The following TMEM181 variants were observed in gnomAD, a reference collection of about 807,000 sequenced individuals.
TMEM181 encodes transmembrane protein 181, also known as G protein-coupled receptor 178.
Under a neutral mutation model 71.9 loss-of-function variants are expected in TMEM181, and 39 were observed. The ratio of observed to expected loss-of-function variants is 0.54; its 90% CI spans 0.42 to 0.71. The LOEUF (loss-of-function observed/expected upper bound fraction) is 0.71, where lower values mean the gene tolerates loss of function less well. TMEM181 is among the 30% of genes least tolerant of loss of function. The pLI is 0.00. For missense variants in TMEM181, 595 were observed against 583.0 expected (o/e 1.02, Z -0.21); for synonymous variants, 245 against 228.8 (o/e 1.07, Z -0.64).
Position 158,633,742 on chromosome 6 carries a change from T to G in TMEM181, c.*1854T>G, listed in dbSNP as rs776887850. The stretch of plus-strand genomic sequence containing the variant: ...TTTAAAAACCTTGTAAATATGAATG[T>G]TTAAGACAACTTACTGCAAGGGTAA... On this transcript the variant is annotated 3_prime_UTR_variant, in exon 17 of 17. Transcript: ENST00000684151. 18 of 152,224 alleles carry G rather than the reference T, an allele frequency of 1.2e-4. No homozygotes were observed. The highest frequency in any genetic ancestry group is 2.2e-4 in the Non-Finnish European group (15 of 68,036). The allele number at this position is 152,224 out of a possible 1,614,324, so 9.4% of individuals were successfully genotyped here.
At chr6:158,583,847 C>T in intron 3 of TMEM181, 107 bp from the exon 4 acceptor site, 3 of 716,006 alleles carry the variant, frequency 4.2e-6, no homozygotes, top group Non-Finnish European at 2.2e-6. Flanking sequence ...TCAAAGCTAA[C>T]ACTGAAGCCT....
intron 1 of TMEM181, among the ~76,000 whole-genome samples, chr6:158,569,260 C>T (rs979183391): frequency 6.6e-6 from 1 of 152,262 alleles, no homozygotes; most frequent in Non-Finnish European, 1.5e-5. Context: ...CTGCAGGCTG[C>T]AGAGGGTCCC....
chr6:158,622,419 C>T (rs1056867677), intron 10 of TMEM181, among the ~76,000 whole-genome samples: 6 of 152,066 alleles, frequency 3.9e-5, no homozygotes, highest in Non-Finnish European at 7.4e-5. Flanking sequence ...GGGAGGGTCA[C>T]GCAGCCATGA....
chr6:158,595,074 T>C (rs887348947), intron 6 of TMEM181, among the ~76,000 whole-genome samples: 1 of 152,224 alleles, frequency 6.6e-6, no homozygotes, highest in Non-Finnish European at 1.5e-5. Flanking sequence ...GTGAAAGCCA[T>C]GGGATGCATT....
chr6:158,600,375 C>G (rs1784602845), intron 6 of TMEM181, among the ~76,000 whole-genome samples: 1 of 151,840 alleles, frequency 6.6e-6, no homozygotes, highest in South Asian at 2.1e-4. Context: ...GTCTCGAACT[C>G]CTGACCTCAG....
chr6:158,610,232 G>A, intron 10 of TMEM181: 1 of 249,922 alleles, frequency 4.0e-6, no homozygotes, highest in Admixed American at 4.0e-5. Context: ...GTCGTGGGGT[G>A]CCTTAAGGCT....
At chr6:158,559,310 C>T (rs1325023122), upstream of TMEM181, among the ~76,000 whole-genome samples, 1 of 152,164 alleles carries the variant, frequency 6.6e-6, no homozygotes, top group Non-Finnish European at 1.5e-5. Flanking sequence ...GTTCCTTATT[C>T]ATGTCCACAC....
chr6:158,598,750 T>C (rs1784516600), intron 6 of TMEM181, among the ~76,000 whole-genome samples: 1 of 152,048 alleles, frequency 6.6e-6, no homozygotes, highest in Non-Finnish European at 1.5e-5. Flanking sequence ...CTCGGCTCAC[T>C]GCAAGCTCTG....
chr6:158,580,919 T>A, intron 2 of TMEM181, 21 bp from the exon 3 acceptor site: 1 of 1,582,516 alleles, frequency 6.3e-7, no homozygotes, highest in Non-Finnish European at 8.7e-7. Context: ...TCTGCTTTTG[T>A]CCTTTTCTGT....
At chr6:158,566,915 C>T (rs1410134092) in intron 1 of TMEM181, among the ~76,000 whole-genome samples, 2 of 152,158 alleles carry the variant, frequency 1.3e-5, no homozygotes, top group Admixed American at 6.5e-5. Context: ...CGGTGATTTG[C>T]ATTATGGATG....
intron 1 of TMEM181, among the ~76,000 whole-genome samples, chr6:158,548,407 G>A (rs1223385778): frequency 6.6e-6 from 1 of 152,180 alleles, no homozygotes; most frequent in Non-Finnish European, 1.5e-5. Flanking sequence ...GTAACTCATA[G>A]AAAAACATGG....
At chr6:158,616,027 C>A (rs577244494) in intron 10 of TMEM181, among the ~76,000 whole-genome samples, 239 of 152,198 alleles carry the variant, frequency 1.6e-3, no homozygotes, top group African/African-American at 5.3e-3. Flanking sequence ...GAAGAAAGTC[C>A]TTGGTAGCTT....
At chr6:158,615,735 A>ATAGGG (rs1235043389) in intron 10 of TMEM181, among the ~76,000 whole-genome samples, 6 of 152,232 alleles carry the variant, frequency 3.9e-5, no homozygotes, top group African/African-American at 1.2e-4. Flanking sequence ...CATTTATCAA[A>ATAGGG]TAGGGAATCC....
rs752330338 is a variant in TMEM181 at position 158,573,431 on chromosome 6, T to C, written c.20T>C (p.Met7Thr). The change falls in exon 2 of 17, where the codon ATG becomes ACG. Residue 7 changes from methionine to threonine, a missense_variant. Met to Thr is a moderately conservative substitution (Grantham distance 81, BLOSUM62 -1). Transcript: ENST00000684151. MEPLAP[M>T]RLYTLSKRHF... ...GCTTCTGCCCCCAGGCTGGCGCCCA[T>C]GCGGCTCTACACGCTCTCCAAGCGC... 5.6e-5 allele frequency: 89 copies of C among 1,582,354 alleles called. No individual in the cohort carries two copies. Among genetic ancestry groups the C allele is most frequent in the Non-Finnish European group, 6.2e-5 (72 of 1,165,896 alleles).
chr6:158,617,363 T>G (rs1042780728), intron 10 of TMEM181, among the ~76,000 whole-genome samples: 3 of 152,108 alleles, frequency 2.0e-5, no homozygotes, highest in African/African-American at 7.2e-5. Context: ...ATCTATTTGG[T>G]TCTTCTCTCT....
At chr6:158,621,915 C>T (rs922017056) in intron 10 of TMEM181, among the ~76,000 whole-genome samples, 5 of 152,200 alleles carry the variant, frequency 3.3e-5, no homozygotes, top group African/African-American at 1.2e-4. Flanking sequence ...GCTTTAAGGT[C>T]CACACATGGC....
intron 5 of TMEM181, among the ~76,000 whole-genome samples, chr6:158,587,033 A>G (rs914701985): frequency 5.3e-5 from 8 of 152,160 alleles, no homozygotes; most frequent in Non-Finnish European, 1.0e-4. Context: ...GGCCACTCCC[A>G]CCTGGACAGC....
chr6:158,605,199 A>C lies in TMEM181; in HGVS notation c.493-68A>C, dbSNP rs377571550. Reference sequence around the variant, plus strand: ...TCTCATCTAGAGATAACTATTAGTAATCTGGTGTATTTTCTCTTAGATGCA... The same window carrying C: ...TCTCATCTAGAGATAACTATTAGTACTCTGGTGTATTTTCTCTTAGATGCA... On this transcript the variant is annotated intron_variant, in intron 6 of 16. Coordinates refer to ENST00000684151, the MANE Select transcript of TMEM181 (RefSeq NM_001376852.1). The C allele has an allele frequency of 3.7e-5, 43 of 1,156,368 alleles. No homozygotes were observed. The African/African-American group carries it at 5.2e-4, about 14-fold the overall frequency. 71.6% of individuals were successfully genotyped at this position (1,156,368 alleles called of 1,614,324 possible).
At chr6:158,552,215 G>GT (rs34959265) in intron 1 of TMEM181, among the ~76,000 whole-genome samples, 2 of 151,968 alleles carry the variant, frequency 1.3e-5, no homozygotes, top group African/African-American at 4.8e-5. Context: ...TAAATCCTTT[G>GT]TTTTTTTTAG....
Sources: gnomAD v4.1 joint callset for allele counts (sites outside exome capture counted in the v4.1 genomes callset) on GRCh38, gnomAD v4.1.1 for gene constraint, MANE v1.5 for transcripts, NCBI Gene and HGNC (gene_info 2026-07-23, HGNC 2026-07-21) for gene names.